Variants in TNFSF12 observed in about 807,000 individuals in gnomAD.
TNFSF12 encodes TNF superfamily member 12, also known as tumor necrosis factor ligand superfamily member 12.
In TNFSF12, 16 loss-of-function variants were observed where a neutral mutation model predicts 31.2. The observed-to-expected ratio is 0.51, with a 90% CI of 0.35 to 0.78. The LOEUF (loss-of-function observed/expected upper bound fraction) is 0.78. TNFSF12 is among the 30% of genes least tolerant of loss of function. TNFSF12 has a pLI of 0.01. For missense variants in TNFSF12, 324 were observed against 338.8 expected (o/e 0.96, Z 0.34); for synonymous variants, 150 against 151.4 (o/e 0.99, Z 0.07).
chr17:7,556,758 C>A lies in TNFSF12; in HGVS notation c.374-20C>A. 1 of 1,491,056 alleles carries A rather than the reference C, an allele frequency of 6.7e-7. No individual in the cohort carries two copies. The highest frequency in any genetic ancestry group is 1.4e-5 in the South Asian group (1 of 70,924). The allele number at this position is 1,491,056 out of a possible 1,614,324, so 92.4% of individuals were successfully genotyped here. A position where few individuals can be genotyped will look rare whatever the true frequency, so the allele number is the denominator to read the frequency against. On this transcript the variant is annotated intron_variant, in intron 5 of 6. Transcript: ENST00000293825. The stretch of plus-strand genomic sequence containing the variant: ...GTCCTGTAGAGAGACGTTTCCTTAT[C>A]TCTGAGCATCCGTGTTCAGGTGTGG...
Position 7,549,339 on chromosome 17 carries a change from TG to T in TNFSF12, c.159+30del. 1 of 1,410,128 alleles carries T rather than the reference TG, an allele frequency of 7.1e-7. No individual in the cohort carries two copies. Among genetic ancestry groups the T allele is most frequent in the Non-Finnish European group, 9.3e-7 (1 of 1,075,108 alleles). The allele number at this position is 1,410,128 out of a possible 1,614,324, so 87.4% of individuals were successfully genotyped here. A position where few individuals can be genotyped will look rare whatever the true frequency, so the allele number is the denominator to read the frequency against. On this transcript the variant is annotated intron_variant, in intron 1 of 6. Coordinates refer to ENST00000293825, the MANE Select transcript of TNFSF12 (RefSeq NM_003809.3). This position sits in a 1 kb window ranked among gnomAD's most constrained non-coding sequence, Gnocchi z 4.1. The stretch of plus-strand genomic sequence containing the variant: ...TGAGGCCCCGCTGCGCACCCCTTCT[TG>T]GGCACATCAGGAGCTGAGACTGCAG...
At chr17:7,554,710 G>A (rs2071040652) in intron 5 of TNFSF12, among the ~76,000 whole-genome samples, 1 of 149,130 alleles carries the variant, frequency 6.7e-6, no homozygotes, top group Non-Finnish European at 1.5e-5. Context: ...GCCTTCTCGG[G>A]TTCAAGTGAT....
chr17:7,549,468 C>T lies in TNFSF12; in HGVS notation c.160-6C>T, dbSNP rs778020698. 2 of 1,523,338 alleles carry T rather than the reference C, an allele frequency of 1.3e-6. No homozygotes were observed. The highest frequency in any genetic ancestry group is 1.8e-6 in the Non-Finnish European group (2 of 1,126,814). The allele number at this position is 1,523,338 out of a possible 1,614,324, so 94.4% of individuals were successfully genotyped here. On this transcript the variant is annotated splice_region_variant and splice_polypyrimidine_tract_variant and intron_variant, in intron 1 of 6. Coordinates refer to ENST00000293825, the MANE Select transcript of TNFSF12 (RefSeq NM_003809.3). The surrounding 1 kb of genome is among the most constrained non-coding windows in gnomAD (Gnocchi z 4.1). ...GCACAGGGTGACGCTCCCTCCTTCC[C>T]AGCAGGAGCCTGCCCAGGAGGAGCT...
Position 7,549,643 on chromosome 17 carries a change from CAG to C in TNFSF12, c.207+123_207+124del. ...GGTGTGTGCAGGGTGTGTGTGAACA[CAG>C]TGCGTGCATGGGTGCGTGTCTGCAG... On this transcript the variant is annotated intron_variant, in intron 2 of 6. Transcript: ENST00000293825. The surrounding 1 kb of genome is among the most constrained non-coding windows in gnomAD (Gnocchi z 4.1). 10 of 1,387,692 alleles carry C rather than the reference CAG, an allele frequency of 7.2e-6. No homozygotes were observed. Among genetic ancestry groups the C allele is most frequent in the Non-Finnish European group, 9.5e-6 (10 of 1,053,004 alleles). The allele number at this position is 1,387,692 out of a possible 1,614,324, so 86.0% of individuals were successfully genotyped here.
In TNFSF12 at chr17:7,556,864, A is replaced by G. The variant is rs1257642000; in HGVS notation, c.460A>G (p.Ile154Val). The G allele has an allele frequency of 3.2e-6, 5 of 1,550,812 alleles. No individual in the cohort carries two copies. Among genetic ancestry groups the G allele is most frequent in the East Asian group, 4.5e-5 (2 of 44,070 alleles). The change falls in exon 6 of 7, where the codon ATA becomes GTA. Residue 154 changes from isoleucine (I) to valine (V), a missense_variant. Ile to Val is a conservative substitution (Grantham distance 29). Transcript: ENST00000293825. ...LRYNRQIGEF[I>V]VTRAGLYYLY... ...CTACAACCGCCAGATCGGGGAGTTTATAGTCACCCGGGCTGGGCTCTACTA... is the reference window on the plus strand; with the variant it reads ...CTACAACCGCCAGATCGGGGAGTTTGTAGTCACCCGGGCTGGGCTCTACTA...
intron 5 of TNFSF12, among the ~76,000 whole-genome samples, chr17:7,555,478 A>G (rs116600817): frequency 0.19 from 28,776 of 152,154 alleles, 3,364 homozygotes; most frequent in Non-Finnish European, 0.27. Flanking sequence ...AAGCCAGGCC[A>G]CACGGTGGCA....
Position 7,550,236 on chromosome 17 carries a change from C to CA in TNFSF12, c.283+46dup. The CA allele has an allele frequency of 6.2e-7, 1 of 1,613,412 alleles. No individual in the cohort carries two copies. Among genetic ancestry groups the CA allele is most frequent in the Middle Eastern group, 1.6e-4 (1 of 6,062 alleles). On this transcript the variant is annotated intron_variant, in intron 3 of 6. Transcript: ENST00000293825. This position sits in a 1 kb window ranked among gnomAD's most constrained non-coding sequence, Gnocchi z 4.4. ...TCCCAACCTCAGGAAGCGGGCAGAGCAAAAACCATTATCCACAGGGAGAAA... is the reference window on the plus strand; with the variant it reads ...TCCCAACCTCAGGAAGCGGGCAGAGCAAAAAACCATTATCCACAGGGAGAAA...
Position 7,549,353 on chromosome 17 carries a change from G to T in TNFSF12, c.159+41G>T, listed in dbSNP as rs1269826130. The stretch of plus-strand genomic sequence containing the variant: ...GCACCCCTTCTTGGGCACATCAGGA[G>T]CTGAGACTGCAGAGGGGCCGCTGGG... On this transcript the variant is annotated intron_variant, in intron 1 of 6. Coordinates refer to ENST00000293825, the MANE Select transcript of TNFSF12 (RefSeq NM_003809.3). The surrounding 1 kb of genome is among the most constrained non-coding windows in gnomAD (Gnocchi z 4.1). 22 of 1,417,972 alleles carry T rather than the reference G, an allele frequency of 1.6e-5. 1 individual carries two copies. In the South Asian group the frequency reaches 3.4e-4, roughly 22 times the overall value. The allele number at this position is 1,417,972 out of a possible 1,614,324, so 87.8% of individuals were successfully genotyped here.
chr17:7,557,310 C>T lies in TNFSF12; in HGVS notation c.710C>T (p.Ala237Val), dbSNP rs757340998. The change falls in exon 7 of 7, where the codon GCC becomes GTC. Residue 237 changes from alanine (A) to valine (V), a missense_variant. Physicochemically the swap from Ala to Val is moderately conservative, Grantham distance 64. Transcript: ENST00000293825. The surrounding 1 kb of genome is among the most constrained non-coding windows in gnomAD (Gnocchi z 5.2). ...RTLPWAHLKA[A>V]PFLTYFGLFQ... ...CTCCCCTGGGCCCATCTCAAGGCTG[C>T]CCCCTTCCTCACCTACTTCGGACTC... The T allele has an allele frequency of 1.2e-6, 2 of 1,611,650 alleles. No homozygotes were observed. Among genetic ancestry groups the T allele is most frequent in the East Asian group, 2.2e-5 (1 of 44,836 alleles).
At position 7,549,245 on chromosome 17, in the gene TNFSF12, C is replaced by T. The variant is rs1047123457; in HGVS notation, c.92C>T (p.Ala31Val). The T allele has an allele frequency of 2.2e-6, 3 of 1,394,134 alleles. No individual in the cohort carries two copies. In the African/African-American group the frequency reaches 4.5e-5, roughly 21 times the overall value. The allele number at this position is 1,394,134 out of a possible 1,614,324, so 86.4% of individuals were successfully genotyped here. The change falls in exon 1 of 7, where the codon GCG (alanine) becomes GTG (valine). Residue 31 changes from alanine to valine, a missense_variant. Physicochemically the swap from Ala to Val is moderately conservative, Grantham distance 64. Coordinates refer to ENST00000293825, the MANE Select transcript of TNFSF12 (RefSeq NM_003809.3). The surrounding 1 kb of genome is among the most constrained non-coding windows in gnomAD (Gnocchi z 4.1). Reference protein sequence around the residue: ...LVPLALGLGLALACLGLLLAV... With the variant: ...LVPLALGLGLVLACLGLLLAV... ...CCGCTCGCGCTGGGCCTGGGCCTGG[C>T]GCTGGCCTGCCTCGGCCTCCTGCTG...
At position 7,557,412 on chromosome 17, in the gene TNFSF12, A is replaced by T. The variant is rs1597829726; in HGVS notation, c.*62A>T. The T allele has an allele frequency of 6.6e-7, 1 of 1,522,914 alleles. No homozygotes were observed. The highest frequency in any genetic ancestry group is 2.3e-5 in the East Asian group (1 of 43,820). The allele number at this position is 1,522,914 out of a possible 1,614,324, so 94.3% of individuals were successfully genotyped here. A position where few individuals can be genotyped will look rare whatever the true frequency, so the allele number is the denominator to read the frequency against. On this transcript the variant is annotated 3_prime_UTR_variant, in exon 7 of 7. Transcript: ENST00000293825. The surrounding 1 kb of genome is among the most constrained non-coding windows in gnomAD (Gnocchi z 5.2). ...GGCTCCCCTCGACAGCTCTCTGGGC[A>T]CCCGGTCCCCTCTGCCCCACCCTCA... is the stretch of plus-strand genomic sequence containing the variant.
chr17:7,551,474 T>C (rs1481299734), intron 5 of TNFSF12, among the ~76,000 whole-genome samples: 2 of 152,164 alleles, frequency 1.3e-5, no homozygotes, highest in African/African-American at 4.8e-5. Context: ...CTTGTGGTAT[T>C]GGCTCTCTAC....
In TNFSF12 at chr17:7,550,773, C is replaced by T; in HGVS notation, c.284-26C>T. The T allele has an allele frequency of 1.2e-6, 2 of 1,601,044 alleles. No individual in the cohort carries two copies. ...GGGACCCCCACTAGGGCCCGCTTTG[C>T]TCATCTGTCTTTCCTTGATCCTCAG... On this transcript the variant is annotated intron_variant, in intron 3 of 6. Transcript: ENST00000293825. This position sits in a 1 kb window ranked among gnomAD's most constrained non-coding sequence, Gnocchi z 4.4.
chr17:7,549,488 G>A lies in TNFSF12; in HGVS notation c.174G>A (p.Glu58=), dbSNP rs749918168. ...CTTCCCAGCAGGAGCCTGCCCAGGA[G>A]GAGCTGGTGGCAGAGGAGGACCAGG... is the stretch of plus-strand genomic sequence containing the variant. ...ASLSAQEPAQ[E]ELVAEEDQDP... Residue 58 remains glutamate (E), a synonymous_variant, in exon 2 of 7, where the codon GAG becomes GAA. Transcript: ENST00000293825. The surrounding 1 kb of genome is among the most constrained non-coding windows in gnomAD (Gnocchi z 4.1). 7 of 1,545,952 alleles carry A rather than the reference G, an allele frequency of 4.5e-6. No individual in the cohort carries two copies. Among genetic ancestry groups the A allele is most frequent in the Middle Eastern group, 1.7e-4 (1 of 5,844 alleles).
In TNFSF12 at chr17:7,557,371, G is replaced by A; in HGVS notation, c.*21G>A. 6 of 1,557,630 alleles carry A rather than the reference G, an allele frequency of 3.9e-6. No homozygotes were observed. Among genetic ancestry groups the A allele is most frequent in the Non-Finnish European group, 5.2e-6 (6 of 1,147,732 alleles). ...ACTGAGGGGCCCTGGTCTCCCCGCA[G>A]TCGTCCCAGGCTGCCGGCTCCCCTC... On this transcript the variant is annotated 3_prime_UTR_variant, in exon 7 of 7. Coordinates refer to ENST00000293825, the MANE Select transcript of TNFSF12 (RefSeq NM_003809.3). The surrounding 1 kb of genome is among the most constrained non-coding windows in gnomAD (Gnocchi z 5.2).
chr17:7,553,003 G>A (rs537966998), intron 5 of TNFSF12, among the ~76,000 whole-genome samples: 8 of 141,652 alleles, frequency 5.6e-5, no homozygotes, highest in East Asian at 2.1e-4. Flanking sequence ...GAGAAATAAG[G>A]AACTGGAGGC....
At chr17:7,555,257 C>G (rs1358304351) in intron 5 of TNFSF12, among the ~76,000 whole-genome samples, 2 of 152,132 alleles carry the variant, frequency 1.3e-5, no homozygotes, top group Non-Finnish European at 2.9e-5. Flanking sequence ...CAGGGATTCT[C>G]TCCCTGCATC....
chr17:7,557,540 A>C lies in TNFSF12; in HGVS notation c.*190A>C. The stretch of plus-strand genomic sequence containing the variant: ...TACAGTATTCCCACTCTTATCTTAC[A>C]ACTCCCCCACCGCCCACTCTCCACC... On this transcript the variant is annotated 3_prime_UTR_variant, in exon 7 of 7. Transcript: ENST00000293825. The surrounding 1 kb of genome is among the most constrained non-coding windows in gnomAD (Gnocchi z 5.2). The C allele has an allele frequency of 1.3e-6, 1 of 797,412 alleles. No homozygotes were observed. Among genetic ancestry groups the C allele is most frequent in the East Asian group, 2.9e-5 (1 of 34,532 alleles). The allele number at this position is 797,412 out of a possible 1,614,324, so 49.4% of individuals were successfully genotyped here. A position where few individuals can be genotyped will look rare whatever the true frequency, so the allele number is the denominator to read the frequency against.
In TNFSF12 at chr17:7,549,841, T is replaced by C. The variant is rs1057133113; in HGVS notation, c.208-279T>C. 8.3e-6 allele frequency: 5 copies of C among 606,026 alleles called. No homozygotes were observed. Among genetic ancestry groups the C allele is most frequent in the African/African-American group, 5.6e-5 (3 of 54,008 alleles). 37.5% of individuals were successfully genotyped at this position (606,026 alleles called of 1,614,324 possible). ...GTGTGTATCCTCTGTGCGTGGTGACTGGGTGCGGGCATGTGTGCAATGTGC... is the reference window on the plus strand; with the variant it reads ...GTGTGTATCCTCTGTGCGTGGTGACCGGGTGCGGGCATGTGTGCAATGTGC... On this transcript the variant is annotated intron_variant, in intron 2 of 6. Transcript: ENST00000293825. This position sits in a 1 kb window ranked among gnomAD's most constrained non-coding sequence, Gnocchi z 4.1.
Sources: gnomAD v4.1 joint callset for allele counts (sites outside exome capture counted in the v4.1 genomes callset) on GRCh38, gnomAD v4.1.1 for gene constraint, Gnocchi (gnomAD v3.1) non-coding constraint, MANE v1.5 for transcripts, NCBI Gene and HGNC (gene_info 2026-07-23, HGNC 2026-07-21) for gene names.